EBF1: variants seen among roughly 807,000 people sequenced by gnomAD.
The protein encoded by EBF1 is transcription factor COE1.
Under a neutral mutation model 68.4 loss-of-function variants are expected in EBF1, and 10 were observed. The ratio of observed to expected loss-of-function variants is 0.15; its 90% CI spans 0.09 to 0.25. The LOEUF (loss-of-function observed/expected upper bound fraction) is 0.25. EBF1 is among the 10% of genes least tolerant of loss of function. The pLI is 1.00. For missense variants in EBF1, 509 were observed against 794.4 expected (o/e 0.64, Z 4.32); for synonymous variants, 298 against 299.8 (o/e 0.99, Z 0.06).
intron 10 of EBF1, among the ~76,000 whole-genome samples, chr5:158,754,196 C>T (rs1462695739): frequency 6.6e-6 from 1 of 152,048 alleles, no homozygotes; most frequent in East Asian, 1.9e-4. Flanking sequence ...AGTTCACCAT[C>T]CTAAATAGCC....
At chr5:158,724,596 C>T (rs960374335) in intron 11 of EBF1, among the ~76,000 whole-genome samples, 1 of 152,190 alleles carries the variant, frequency 6.6e-6, no homozygotes, top group African/African-American at 2.4e-5. Context: ...TGCCCCAGCT[C>T]TGTATTTATG....
At chr5:158,902,112 CAG>C (rs1469373463) in intron 6 of EBF1, among the ~76,000 whole-genome samples, 3 of 152,080 alleles carry the variant, frequency 2.0e-5, no homozygotes, top group Non-Finnish European at 4.4e-5. Context: ...AAAAACAAAA[CAG>C]AAGTTTTCTG....
chr5:159,091,845 T>G (rs2127997555), intron 4 of EBF1, among the ~76,000 whole-genome samples: 1 of 152,330 alleles, frequency 6.6e-6, no homozygotes, highest in African/African-American at 2.4e-5. Flanking sequence ...CCTCACTACA[T>G]CATCTACTTT....
At chr5:158,751,589 A>T (rs1768916469) in intron 10 of EBF1, among the ~76,000 whole-genome samples, 1 of 152,122 alleles carries the variant, frequency 6.6e-6, no homozygotes, top group Non-Finnish European at 1.5e-5. Context: ...CGGTCTGGCC[A>T]GGTTCCTCCA....
intron 11 of EBF1, among the ~76,000 whole-genome samples, chr5:158,716,377 T>C (rs1386258596): frequency 1.3e-5 from 2 of 152,220 alleles, no homozygotes; most frequent in African/African-American, 4.8e-5. Context: ...TGCTGCCTTC[T>C]TTGATCCACC....
chr5:158,742,835 T>G (rs2127574151), intron 10 of EBF1, among the ~76,000 whole-genome samples: 1 of 152,332 alleles, frequency 6.6e-6, no homozygotes, highest in East Asian at 1.9e-4. Flanking sequence ...CAATGTAAGT[T>G]CTGTGAACAA....
chr5:158,919,424 T>A (rs1807914405), intron 6 of EBF1, among the ~76,000 whole-genome samples: 1 of 152,094 alleles, frequency 6.6e-6, no homozygotes, highest in Non-Finnish European at 1.5e-5. Flanking sequence ...CCTGCAATAT[T>A]TTAATCTATA....
chr5:159,045,386 A>G (rs1772151125), intron 6 of EBF1, among the ~76,000 whole-genome samples: 1 of 151,586 alleles, frequency 6.6e-6, no homozygotes, highest in African/African-American at 2.4e-5. Flanking sequence ...ACGTACACCC[A>G]CTTTCTGACT....
chr5:158,755,379 A>G (rs1318446328), intron 10 of EBF1, among the ~76,000 whole-genome samples: 2 of 152,090 alleles, frequency 1.3e-5, no homozygotes, highest in Non-Finnish European at 2.9e-5. Flanking sequence ...TTTCTACCAG[A>G]GCATTTTGTC....
intron 6 of EBF1, among the ~76,000 whole-genome samples, chr5:159,001,736 G>A (rs540866344): frequency 6.6e-6 from 1 of 152,260 alleles, no homozygotes; most frequent in Admixed American, 6.5e-5. Flanking sequence ...TCCTCTCAGG[G>A]GCTATAGGAC....
intron 10 of EBF1, among the ~76,000 whole-genome samples, chr5:158,742,308 C>T (rs766501002): frequency 3.3e-5 from 5 of 152,180 alleles, no homozygotes; most frequent in Non-Finnish European, 7.3e-5. Context: ...TTGTCCCAAC[C>T]GTCCTGGAGT....
chr5:158,789,660 T>C (rs1247386143), intron 9 of EBF1, among the ~76,000 whole-genome samples: 1 of 152,080 alleles, frequency 6.6e-6, no homozygotes, highest in Non-Finnish European at 1.5e-5. Flanking sequence ...CACTGTGAAG[T>C]CTCTTTTTCC....
At chr5:159,056,288 A>T (rs2127842421) in intron 6 of EBF1, among the ~76,000 whole-genome samples, 1 of 152,308 alleles carries the variant, frequency 6.6e-6, no homozygotes, top group African/African-American at 2.4e-5. Flanking sequence ...AGACGGAAAA[A>T]ATTAAATTTT....
chr5:158,999,098 T>G (rs1561752319), intron 6 of EBF1, among the ~76,000 whole-genome samples: 1 of 151,480 alleles, frequency 6.6e-6, no homozygotes, highest in Non-Finnish European at 1.5e-5. Flanking sequence ...AAAAAAAAAA[T>G]CTGACAGAAA....
intron 6 of EBF1, among the ~76,000 whole-genome samples, chr5:158,978,127 A>G (rs1454927997): frequency 6.6e-6 from 1 of 152,132 alleles, no homozygotes; most frequent in East Asian, 1.9e-4. Context: ...CAGGGGGAAA[A>G]TTTTTGATGC....
In EBF1 at chr5:158,916,064, C is replaced by T. The variant is rs552311082; in HGVS notation, c.555-75954G>A. The stretch of plus-strand genomic sequence containing the variant: ...ACCTCCTGACCGACAAAGGGGGGTC[C>T]AAATTTGGCTGATGTTGGCTGAGTA... On this transcript the variant is annotated intron_variant, in intron 6 of 15. Transcript: ENST00000313708. 1.4e-3 allele frequency among the ~76,000 whole-genome samples: 210 copies of T among 152,162 alleles called. 1 individual carries two copies. The highest frequency in any genetic ancestry group is 3.2e-4 in the Non-Finnish European group (22 of 67,990).
intron 15 of EBF1, among the ~76,000 whole-genome samples, chr5:158,703,542 T>G (rs1049526131): frequency 6.6e-6 from 1 of 152,024 alleles, no homozygotes; most frequent in African/African-American, 2.4e-5. Flanking sequence ...ACTACCATAT[T>G]TTTATTTTTT....
intron 6 of EBF1, among the ~76,000 whole-genome samples, chr5:158,880,422 A>G (rs1359046292): frequency 1.3e-5 from 2 of 152,330 alleles, no homozygotes; most frequent in Non-Finnish European, 2.9e-5. Flanking sequence ...TTTATTCTCA[A>G]TCTGGCCATA....
At chr5:158,737,953 G>C (rs1353389657) in intron 10 of EBF1, among the ~76,000 whole-genome samples, 2 of 152,140 alleles carry the variant, frequency 1.3e-5, no homozygotes, top group Non-Finnish European at 2.9e-5. Context: ...AAAGAATTAA[G>C]AGACTTGCTT....
Sources: allele counts gnomAD v4.1 joint callset (sites outside exome capture counted in the v4.1 genomes callset), GRCh38; gene constraint gnomAD v4.1.1; transcripts MANE v1.5; gene names NCBI Gene and HGNC (gene_info 2026-07-23, HGNC 2026-07-21).